The following UNK variants were observed in gnomAD, a reference collection of about 807,000 sequenced individuals.
UNK encodes the protein RING finger protein unkempt homolog.
Under a neutral mutation model 97.6 loss-of-function variants are expected in UNK, and 32 were observed. The observed-to-expected ratio is 0.33, with a 90% confidence interval of 0.25 to 0.44. The LOEUF (loss-of-function observed/expected upper bound fraction) is 0.44. UNK is among the 20% of genes least tolerant of loss of function. The probability of loss-of-function intolerance (pLI) is 1.00; values close to 1 mark genes in which losing one functional copy is unlikely to be tolerated. For missense variants in UNK, 771 were observed against 1,098.4 expected (o/e 0.70, Z 4.21); for synonymous variants, 441 against 461.2 (o/e 0.96, Z 0.56).
At chr17:75,792,842 A>C (rs1043991191) in intron 1 of UNK, among the ~76,000 whole-genome samples, 4 of 152,254 alleles carry the variant, frequency 2.6e-5, no homozygotes, top group Non-Finnish European at 4.4e-5. Context: ...TTAAAAAGTT[A>C]ATTAAAAAAT....
At position 75,816,908 on chromosome 17, in the gene UNK, G is replaced by T. The variant is rs1333045115; in HGVS notation, c.1100G>T (p.Ser367Ile). 3 of 1,601,618 alleles carry T rather than the reference G, an allele frequency of 1.9e-6. No individual in the cohort carries two copies. Residue 367 changes from serine to isoleucine, a missense_variant, in exon 8 of 16, where the codon AGT (serine) becomes ATT (isoleucine). Around this residue, in one of 5 missense-constraint regions of UNK, gnomAD observed 192 missense variants for 202.4 expected, o/e 0.95. Coordinates refer to ENST00000589666, the MANE Select transcript of UNK (RefSeq NM_001080419.3). The surrounding 1 kb of genome is among the most constrained non-coding windows in gnomAD (Gnocchi z 4.0). ...TCCAGCCCGCATGCCCCTGACCTCA[G>T]TGCCGTACGTGTCCATCCTGGGGAG... ...SPSSPHAPDL[S>I]ALLCRNSSLG...
chr17:75,817,571 TG>T lies in UNK; in HGVS notation c.1305+49del, dbSNP rs750674016. 6.5e-6 allele frequency: 10 copies of T among 1,529,752 alleles called. No homozygotes were observed. The highest frequency in any genetic ancestry group is 2.7e-6 in the Non-Finnish European group (3 of 1,132,020). The allele number at this position is 1,529,752 out of a possible 1,614,324, so 94.8% of individuals were successfully genotyped here. On this transcript the variant is annotated intron_variant, in intron 9 of 15. Transcript: ENST00000589666. The surrounding 1 kb of genome is among the most constrained non-coding windows in gnomAD (Gnocchi z 5.8). ...GCAGTGAGGTTAGCCTTCTCCTGCG[TG>T]GGGCAAGAGAATCTTGGAGGAGTGT... is the stretch of plus-strand genomic sequence containing the variant.
chr17:75,813,879 G>A lies in UNK; in HGVS notation c.876+1G>A, dbSNP rs1204515229. 1 of 1,575,284 alleles carries A rather than the reference G, an allele frequency of 6.3e-7. No homozygotes were observed. Among genetic ancestry groups the A allele is most frequent in the Non-Finnish European group, 8.6e-7 (1 of 1,161,290 alleles). On this transcript the variant is annotated splice_donor_variant, in intron 6 of 15. Coordinates refer to ENST00000589666, the MANE Select transcript of UNK (RefSeq NM_001080419.3). LOFTEE classifies it high-confidence loss of function. Reference sequence around the variant, plus strand: ...CACCGAGCAGCAGTTCCACCCCGAGGTGGGCCCCACAGCAGGGTGGGGGGG... The same window carrying A: ...CACCGAGCAGCAGTTCCACCCCGAGATGGGCCCCACAGCAGGGTGGGGGGG...
Position 75,817,302 on chromosome 17 carries a change from A to G in UNK, c.1105-24A>G. 6.5e-7 allele frequency: 1 copy of G among 1,543,956 alleles called. No homozygotes were observed. Among genetic ancestry groups the G allele is most frequent in the Non-Finnish European group, 8.7e-7 (1 of 1,143,428 alleles). ...CAGCCTGCGCTGTGCCCACGGGCCC[A>G]CTCCCTCCCCTCCTTCTCCGCAGCT... On this transcript the variant is annotated intron_variant, in intron 8 of 15. Coordinates refer to ENST00000589666, the MANE Select transcript of UNK (RefSeq NM_001080419.3). The surrounding 1 kb of genome is among the most constrained non-coding windows in gnomAD (Gnocchi z 5.8).
intron 2 of UNK, among the ~76,000 whole-genome samples, chr17:75,811,457 C>T (rs767603778): frequency 3.9e-5 from 6 of 152,184 alleles, no homozygotes; most frequent in East Asian, 1.9e-4. Flanking sequence ...CCTAGCCTAA[C>T]GAAGCACTCA....
At chr17:75,814,443 G>T (rs1384411485) in intron 6 of UNK, among the ~76,000 whole-genome samples, 1 of 128,336 alleles carries the variant, frequency 7.8e-6, no homozygotes, top group African/African-American at 3.0e-5. Flanking sequence ...AGTGAGCCAA[G>T]ATCGCACCAC....
intron 1 of UNK, among the ~76,000 whole-genome samples, chr17:75,787,297 G>A (rs945550591): frequency 3.3e-5 from 5 of 151,866 alleles, no homozygotes. Flanking sequence ...CTGTAGCCTC[G>A]ACCTCCCTGG....
At chr17:75,821,313 G>A (rs1238327875) in intron 13 of UNK, 1 of 451,144 alleles carries the variant, frequency 2.2e-6, no homozygotes, top group South Asian at 1.6e-5. Flanking sequence ...AGGTGTAAGT[G>A]CAACAGTCCC....
At position 75,819,327 on chromosome 17, in the gene UNK, G is replaced by A; in HGVS notation, c.1547-357G>A. ...AAGCACCTGCTATACACCAGCCACTGAGTGCCCAGAGACCCGCCCACCCCC... is the reference window on the plus strand; with the variant it reads ...AAGCACCTGCTATACACCAGCCACTAAGTGCCCAGAGACCCGCCCACCCCC... On this transcript the variant is annotated intron_variant, in intron 11 of 15. Coordinates refer to ENST00000589666, the MANE Select transcript of UNK (RefSeq NM_001080419.3). This position sits in a 1 kb window ranked among gnomAD's most constrained non-coding sequence, Gnocchi z 5.4. The A allele has an allele frequency of 3.0e-6, 1 of 335,268 alleles. No individual in the cohort carries two copies. The highest frequency in any genetic ancestry group is 5.6e-6 in the Non-Finnish European group (1 of 179,714). The allele number at this position is 335,268 out of a possible 1,614,324, so 20.8% of individuals were successfully genotyped here.
chr17:75,785,123 C>A, intron 1 of UNK, 139 bp downstream of exon 1: 1 of 577,714 alleles, frequency 1.7e-6, no homozygotes, highest in South Asian at 2.5e-5. Flanking sequence ...CCGGTTCCAA[C>A]CTGCTGGGGC....
intron 13 of UNK, chr17:75,821,452 G>C: frequency 2.2e-6 from 1 of 446,566 alleles, no homozygotes; most frequent in Non-Finnish European, 4.5e-6. Flanking sequence ...GAGGAGAGAT[G>C]GGTGGGACAG....
In UNK at chr17:75,784,940, C is replaced by A; in HGVS notation, c.60C>A (p.Thr20=). 1 of 1,547,166 alleles carries A rather than the reference C, an allele frequency of 6.5e-7. No homozygotes were observed. The change falls in exon 1 of 16, where the codon ACC becomes ACA. Residue 20 remains threonine, a synonymous_variant. Coordinates refer to ENST00000589666, the MANE Select transcript of UNK (RefSeq NM_001080419.3). ...CTTCCTCGGCGCCCCCGGCCGCTAC[C>A]GCTCAGGTGCTGCAGGCACAGCCCG... The part of the protein sequence containing the change: ...SAASSAPPAA[T]AQVLQAQPEK...
intron 1 of UNK, among the ~76,000 whole-genome samples, chr17:75,803,344 A>G (rs1401741892): frequency 6.6e-6 from 1 of 152,228 alleles, no homozygotes; most frequent in Non-Finnish European, 1.5e-5. Flanking sequence ...CGGAGGTTGC[A>G]GTGAGCCTAG....
At chr17:75,789,561 C>T (rs1256812354) in intron 1 of UNK, among the ~76,000 whole-genome samples, 1 of 152,126 alleles carries the variant, frequency 6.6e-6, no homozygotes, top group Non-Finnish European at 1.5e-5. Flanking sequence ...TGGTCTCGAT[C>T]TCCTGAACTC....
intron 1 of UNK, among the ~76,000 whole-genome samples, chr17:75,805,194 A>AT (rs1002059827): frequency 1.3e-5 from 2 of 150,612 alleles, no homozygotes; most frequent in African/African-American, 4.9e-5. Context: ...AAAAAAAAAA[A>AT]ATATTATATG....
rs375142607 is a variant in UNK at position 75,810,003 on chromosome 17, G to A, written c.314+34G>A. 1.8e-4 allele frequency: 296 copies of A among 1,609,746 alleles called. No homozygotes were observed. The African/African-American group carries it at 3.4e-3, about 19-fold the overall frequency. On this transcript the variant is annotated intron_variant, in intron 2 of 15. Coordinates refer to ENST00000589666, the MANE Select transcript of UNK (RefSeq NM_001080419.3). ...CCCAGCCTGTCCTCAGAGGAGCCCC[G>A]TGTCTCCTTCTGGGTCAGATGCCCT...
chr17:75,786,459 A>G (rs2061711802), intron 1 of UNK, among the ~76,000 whole-genome samples: 1 of 152,228 alleles, frequency 6.6e-6, no homozygotes, highest in African/African-American at 2.4e-5. Context: ...TGGAATCTGT[A>G]ATAGAAAGGC....
At chr17:75,791,497 G>A (rs1363926335) in intron 1 of UNK, among the ~76,000 whole-genome samples, 1 of 152,234 alleles carries the variant, frequency 6.6e-6, no homozygotes, top group African/African-American at 2.4e-5. Flanking sequence ...GCGTTGCTGA[G>A]CAACCTCAGT....
In UNK at chr17:75,817,383, G is replaced by A. The variant is rs770743909; in HGVS notation, c.1162G>A (p.Gly388Ser). 3 of 1,610,472 alleles carry A rather than the reference G, an allele frequency of 1.9e-6. No individual in the cohort carries two copies. The highest frequency in any genetic ancestry group is 1.3e-5 in the African/African-American group (1 of 74,850). Residue 388 changes from glycine (G) to serine (S), a missense_variant, in exon 9 of 16, where the codon GGC (glycine) becomes AGC (serine). Gly to Ser is a moderately conservative substitution (Grantham distance 56). Around this residue, in one of 5 missense-constraint regions of UNK, gnomAD observed 192 missense variants for 202.4 expected, o/e 0.95. Coordinates refer to ENST00000589666, the MANE Select transcript of UNK (RefSeq NM_001080419.3). The surrounding 1 kb of genome is among the most constrained non-coding windows in gnomAD (Gnocchi z 5.8). ...GTCTAACCTCTGCGGCTCCCCACCG[G>A]GCTCCATCAGGAAGCCCCCAAACCT... ...SPSNLCGSPP[G>S]SIRKPPNLEG...
Sources: gnomAD v4.1 joint callset for allele counts (sites outside exome capture counted in the v4.1 genomes callset) on GRCh38, gnomAD v4.1.1 for gene constraint, gnomAD v4.1.1 regional missense constraint, Gnocchi (gnomAD v3.1) non-coding constraint, MANE v1.5 for transcripts, NCBI Gene and HGNC (gene_info 2026-07-23, HGNC 2026-07-21) for gene names.